The following MYH14 variants were observed in gnomAD, a reference collection of about 807,000 sequenced individuals.
MYH14 encodes the protein myosin heavy chain 14.
A neutral mutation model predicts 255.5 loss-of-function variants in MYH14; 123 were observed. The ratio of observed to expected loss-of-function variants is 0.48; its 90% CI spans 0.42 to 0.56. The LOEUF (loss-of-function observed/expected upper bound fraction) is 0.56. Ranked by LOEUF, MYH14 falls within the 20% of genes least tolerant of loss-of-function variation. The pLI, the probability that MYH14 is intolerant of heterozygous loss-of-function variation, is 0.00. For missense variants in MYH14, 2,423 were observed against 2,802.3 expected (o/e 0.86, Z 3.06); for synonymous variants, 1,095 against 1,161.2 (o/e 0.94, Z 1.16).
In MYH14 at chr19:50,260,658, G is replaced by C; in HGVS notation, c.2367G>C (p.Leu789=). 4 of 1,613,062 alleles carry C rather than the reference G, an allele frequency of 2.5e-6. No individual in the cohort carries two copies. The East Asian group carries it at 8.9e-5, about 36-fold the overall frequency. ...CTGCTCATTGCAGATACGAGATCCT[G>C]ACACCCAATGCCATCCCCAAGGGCT... The part of the protein sequence containing the change: ...FQEFRQRYEI[L]TPNAIPKGFM... Residue 789 remains leucine, a synonymous_variant, in exon 20 of 43, where the codon CTG becomes CTC. Coordinates refer to ENST00000642316, the MANE Select transcript of MYH14 (RefSeq NM_001145809.2).
rs778465188 is a variant in MYH14 at position 50,232,060 on chromosome 19, G to T, written c.1104G>T (p.Glu368Asp). Residue 368 changes from glutamate to aspartate, a missense_variant, in exon 10 of 43, where the codon GAG becomes GAT. By Grantham distance (45) the Glu-to-Asp change is conservative. Transcript: ENST00000642316. Reference protein sequence around the residue: ...ESLRVLGFSHEEIISMLRMVS... With the variant: ...ESLRVLGFSHDEIISMLRMVS... Reference sequence around the variant, plus strand: ...TGCGGGTCCTGGGATTCAGCCACGAGGAAATCATCTGTGAGTGAGCCCCGT... The same window carrying T: ...TGCGGGTCCTGGGATTCAGCCACGATGAAATCATCTGTGAGTGAGCCCCGT... 5 of 1,612,036 alleles carry T rather than the reference G, an allele frequency of 3.1e-6. No individual in the cohort carries two copies. The highest frequency in any genetic ancestry group is 4.2e-6 in the Non-Finnish European group (5 of 1,179,892).
chr19:50,208,727 G>C (rs1375446196), intron 1 of MYH14, among the ~76,000 whole-genome samples: 1 of 152,168 alleles, frequency 6.6e-6, no homozygotes, highest in Non-Finnish European at 1.5e-5. Flanking sequence ...ATTTAACCCA[G>C]TAGATTGAAA....
chr19:50,265,849 T>G (rs1236503935), intron 22 of MYH14, among the ~76,000 whole-genome samples: 1 of 151,762 alleles, frequency 6.6e-6, no homozygotes, highest in African/African-American at 2.4e-5. Context: ...AAAATAAAAA[T>G]TAATAATAAA....
intron 1 of MYH14, 127 bp from the exon 2 acceptor site, chr19:50,210,236 G>A: frequency 1.2e-6 from 1 of 811,252 alleles, no homozygotes; most frequent in African/African-American, 1.8e-5. Flanking sequence ...AACCCACTTT[G>A]CAGAAGTATG....
chr19:50,248,561 T>G (rs984510579), intron 12 of MYH14, among the ~76,000 whole-genome samples: 1 of 152,174 alleles, frequency 6.6e-6, no homozygotes. Flanking sequence ...TGACCCGGGT[T>G]CAATCTCAGC....
At chr19:50,240,554 C>T (rs1164187794) in intron 10 of MYH14, among the ~76,000 whole-genome samples, 1 of 152,096 alleles carries the variant, frequency 6.6e-6, no homozygotes, top group African/African-American at 2.4e-5. Flanking sequence ...CACTGCACTC[C>T]AGCCTGGGCA....
At chr19:50,217,134 A>G (rs2032524621) in intron 2 of MYH14, among the ~76,000 whole-genome samples, 1 of 152,072 alleles carries the variant, frequency 6.6e-6, no homozygotes, top group Non-Finnish European at 1.5e-5. Flanking sequence ...TTCTAATGCA[A>G]ATGGTAGCTC....
intron 11 of MYH14, 36 bp from the exon 12 acceptor site, chr19:50,246,968 C>T: frequency 6.8e-7 from 1 of 1,472,288 alleles, no homozygotes; most frequent in Non-Finnish European, 9.4e-7. Flanking sequence ...CACCTCTTCC[C>T]AGTGCTGATG....
rs372637743 is a variant in MYH14, at chr19:50,307,077, C to G, written c.5707C>G (p.Arg1903Gly). ...GCGCATCCTCTCTGGAAAGCTGGTG[C>G]GCAGAGCTGAGAAGCGGCTTAAAGA... Reference protein sequence around the residue: ...RERILSGKLVRRAEKRLKEVV... With the variant: ...RERILSGKLVGRAEKRLKEVV... The change falls in exon 41 of 43, where the codon CGC (arginine) becomes GGC (glycine). Residue 1903 changes from arginine (R) to glycine (G), a missense_variant. Transcript: ENST00000642316. 2 of 1,550,982 alleles carry G rather than the reference C, an allele frequency of 1.3e-6. No homozygotes were observed. Among genetic ancestry groups the G allele is most frequent in the African/African-American group, 2.7e-5 (2 of 73,058 alleles).
At chr19:50,284,995 C>T (rs1027966126) in intron 33 of MYH14, 1 of 147,214 alleles carries the variant, frequency 6.8e-6, no homozygotes, top group African/African-American at 2.5e-5. Flanking sequence ...TTCCCGGGTT[C>T]AAGCAATTCT....
chr19:50,227,260 G>A (rs2033155720), intron 8 of MYH14, among the ~76,000 whole-genome samples: 1 of 152,056 alleles, frequency 6.6e-6, no homozygotes, highest in African/African-American at 2.4e-5. Context: ...AAATGACATA[G>A]AGCAGTATAA....
chr19:50,237,986 G>C (rs3810272), intron 10 of MYH14, among the ~76,000 whole-genome samples: 1 of 152,250 alleles, frequency 6.6e-6, no homozygotes, highest in East Asian at 1.9e-4. Context: ...TCCAGAGAGA[G>C]AGGTGGACAC....
In MYH14 at chr19:50,252,633, A is replaced by G. The variant is rs1433099094; in HGVS notation, c.1831-6A>G. The G allele has an allele frequency of 1.9e-6, 3 of 1,575,044 alleles. No individual in the cohort carries two copies. Among genetic ancestry groups the G allele is most frequent in the African/African-American group, 2.7e-5 (2 of 73,918 alleles). ...TCATCGCCCTCCTCTACCTGACTTC[A>G]TTCAGGTCGACTACAAGGCCAACGA... On this transcript the variant is annotated splice_region_variant and splice_polypyrimidine_tract_variant and intron_variant, in intron 15 of 42. Coordinates refer to ENST00000642316, the MANE Select transcript of MYH14 (RefSeq NM_001145809.2). This position sits in a 1 kb window ranked among gnomAD's most constrained non-coding sequence, Gnocchi z 4.2.
chr19:50,244,458 A>C, intron 11 of MYH14, 121 bp downstream of exon 11: 3 of 690,950 alleles, frequency 4.3e-6, no homozygotes, highest in Non-Finnish European at 7.6e-6. Context: ...TCTCCAACCC[A>C]GGATCACTCT....
At chr19:50,264,321 C>T (rs1347988220) in intron 22 of MYH14, among the ~76,000 whole-genome samples, 1 of 152,170 alleles carries the variant, frequency 6.6e-6, no homozygotes, top group Middle Eastern at 3.2e-3. Flanking sequence ...ACCTCAGTTA[C>T]TCAGTCTCCA....
intron 17 of MYH14, among the ~76,000 whole-genome samples, chr19:50,256,308 G>A (rs1600953844): frequency 6.6e-6 from 1 of 152,146 alleles, no homozygotes; most frequent in South Asian, 2.1e-4. Flanking sequence ...ATTCGAGACA[G>A]TGCCAATAGA....
rs967338654 is a variant in MYH14 at position 50,250,191 on chromosome 19, C to T, written c.1657-324C>T. On this transcript the variant is annotated intron_variant, in intron 14 of 42. Transcript: ENST00000642316. The surrounding 1 kb of genome is among the most constrained non-coding windows in gnomAD (Gnocchi z 5.4). The stretch of plus-strand genomic sequence containing the variant: ...TCTCTGCTTACTGCAAGCTTCGCCC[C>T]CTGGGTTCACGCCATTCTCCTGCCT... 3.3e-5 allele frequency among the ~76,000 whole-genome samples: 5 copies of T among 152,202 alleles called. No homozygotes were observed. The highest frequency in any genetic ancestry group is 6.5e-5 in the Admixed American group (1 of 15,278).
intron 1 of MYH14, among the ~76,000 whole-genome samples, chr19:50,206,035 A>C (rs554225180): frequency 1.4e-4 from 21 of 152,172 alleles, no homozygotes; most frequent in Admixed American, 1.0e-3. Context: ...GCCCTGGCAG[A>C]GTGTTCCTGC....
intron 15 of MYH14, among the ~76,000 whole-genome samples, chr19:50,251,569 C>CATATATATATATATATAT (rs1319522599): frequency 8.3e-6 from 1 of 121,090 alleles, no homozygotes; most frequent in African/African-American, 3.2e-5. Flanking sequence ...CACACACACA[C>CATATATATATATATATAT]ATATATATAT....
Sources: gnomAD v4.1 joint callset for allele counts (sites outside exome capture counted in the v4.1 genomes callset) on GRCh38, gnomAD v4.1.1 for gene constraint, Gnocchi (gnomAD v3.1) non-coding constraint, MANE v1.5 for transcripts, NCBI Gene and HGNC (gene_info 2026-07-23, HGNC 2026-07-21) for gene names.